FAM222B: variants seen among roughly 807,000 people sequenced by gnomAD.
The protein encoded by FAM222B is family with sequence similarity 222 member B.
FAM222B carries 12 observed loss-of-function variants against 38.0 expected under a neutral mutation model. The observed-to-expected ratio is 0.32, with a 90% CI of 0.20 to 0.51. The LOEUF is 0.51. FAM222B is among the 20% of genes least tolerant of loss of function. FAM222B has a pLI of 0.97. For missense variants in FAM222B, 716 were observed against 754.2 expected (o/e 0.95, Z 0.59); for synonymous variants, 329 against 317.2 (o/e 1.04, Z -0.40).
At chr17:28,795,442 CTT>C (rs1432262551) in intron 1 of FAM222B, among the ~76,000 whole-genome samples, 1 of 152,118 alleles carries the variant, frequency 6.6e-6, no homozygotes, top group African/African-American at 2.4e-5. Flanking sequence ...ACCCAGACTT[CTT>C]TTGTTTTTAA....
chr17:28,842,521 G>A (rs2039080670), intron 1 of FAM222B, among the ~76,000 whole-genome samples, 161 bp downstream of exon 1: 1 of 152,036 alleles, frequency 6.6e-6, no homozygotes, highest in Admixed American at 6.6e-5. Flanking sequence ...GCCGGCGACC[G>A]GGCCACCCGT....
intron 1 of FAM222B, among the ~76,000 whole-genome samples, chr17:28,819,581 T>G (rs575453194): frequency 6.6e-6 from 1 of 152,228 alleles, no homozygotes; most frequent in East Asian, 1.9e-4. Context: ...CCTAAAAATA[T>G]TTAGAAGTTT....
At chr17:28,792,233 A>G (rs1445336623) in intron 1 of FAM222B, among the ~76,000 whole-genome samples, 1 of 150,560 alleles carries the variant, frequency 6.6e-6, no homozygotes, top group Non-Finnish European at 1.5e-5. Flanking sequence ...AATGGCGTGA[A>G]CCTGGGAGGC....
intron 1 of FAM222B, among the ~76,000 whole-genome samples, chr17:28,799,176 T>C (rs1434304388): frequency 3.3e-5 from 5 of 150,868 alleles, no homozygotes; most frequent in African/African-American, 1.2e-4. Flanking sequence ...GGTTTCACCA[T>C]GTTGACCAGG....
intron 1 of FAM222B, among the ~76,000 whole-genome samples, chr17:28,835,109 G>A (rs2038799445): frequency 6.6e-6 from 1 of 151,364 alleles, no homozygotes; most frequent in Non-Finnish European, 1.5e-5. Context: ...GCAGTGGCGT[G>A]ATCTCAGCTC....
intron 1 of FAM222B, among the ~76,000 whole-genome samples, chr17:28,774,929 G>T (rs552598682): frequency 2.0e-5 from 3 of 151,116 alleles, no homozygotes; most frequent in Non-Finnish European, 4.4e-5. Context: ...GTCACAGGGC[G>T]AGACTCCGTC....
chr17:28,854,896 T>G, intron 1 of FAM222B: 1 of 899,100 alleles, frequency 1.1e-6, no homozygotes. Flanking sequence ...CCAGAGCAAT[T>G]CCTCCTCCCG....
intron 1 of FAM222B, among the ~76,000 whole-genome samples, chr17:28,800,020 A>G (rs1747778601): frequency 6.6e-6 from 1 of 151,528 alleles, no homozygotes; most frequent in Non-Finnish European, 1.5e-5. Flanking sequence ...TCTCTGGTTG[A>G]GCAATGATAC....
chr17:28,760,858 T>C (rs1224535795), intron 2 of FAM222B, among the ~76,000 whole-genome samples: 1 of 152,200 alleles, frequency 6.6e-6, no homozygotes, highest in Admixed American at 6.5e-5. Flanking sequence ...TGCCAACATC[T>C]CTCCCCTTCC....
At chr17:28,781,843 CAGAG>C (rs1396669011) in intron 1 of FAM222B, among the ~76,000 whole-genome samples, 5 of 152,044 alleles carry the variant, frequency 3.3e-5, no homozygotes, top group African/African-American at 1.2e-4. Flanking sequence ...AACTCAGAAG[CAGAG>C]AGATAATGGG....
Position 28,792,019 on chromosome 17 carries a change from A to AGCCAGGTGTAG in FAM222B, c.-40-25323_-40-25313dup, listed in dbSNP as rs1328466448. On this transcript the variant is annotated intron_variant, in intron 1 of 2. Transcript: ENST00000581407. Reference sequence around the variant, plus strand: ...AAGTGAGACCATGTCTAAAAAAATTAGCCAGGTGTAGGCCAGGCGCAGTGG... The same window carrying AGCCAGGTGTAG: ...AAGTGAGACCATGTCTAAAAAAATTAGCCAGGTGTAGGCCAGGTGTAGGCCAGGCGCAGTGG... Among the ~76,000 whole-genome samples the AGCCAGGTGTAG allele has an allele frequency of 1.3e-3, 194 of 151,106 alleles. 2 individuals carry two copies. The highest frequency in any genetic ancestry group is 1.1e-3 in the Non-Finnish European group (76 of 67,698).
upstream of FAM222B, among the ~76,000 whole-genome samples, chr17:28,846,962 G>A (rs888827801): frequency 1.3e-5 from 2 of 151,962 alleles, no homozygotes; most frequent in East Asian, 1.9e-4. Context: ...GGTGGCTGAC[G>A]CCTGTAATCC....
chr17:28,799,850 C>A (rs2037136301), intron 1 of FAM222B, among the ~76,000 whole-genome samples: 1 of 152,120 alleles, frequency 6.6e-6, no homozygotes, highest in African/African-American at 2.4e-5. Flanking sequence ...TCAGGAGATC[C>A]TCCTGCCTTG....
chr17:28,830,899 T>C (rs2093687491), intron 1 of FAM222B, among the ~76,000 whole-genome samples: 1 of 151,540 alleles, frequency 6.6e-6, no homozygotes, highest in African/African-American at 2.4e-5. Context: ...TACATTTAGG[T>C]GTAATTGTTG....
At chr17:28,843,442 CTTTTTTT>C, upstream of FAM222B, among the ~76,000 whole-genome samples, 1 of 87,002 alleles carries the variant, frequency 1.1e-5, no homozygotes. Context: ...CAGCCTGGGT[CTTTTTTT>C]TTTTTTTTTT....
intron 1 of FAM222B, among the ~76,000 whole-genome samples, chr17:28,769,059 A>G (rs2151793750): frequency 6.6e-6 from 1 of 152,066 alleles, no homozygotes; most frequent in South Asian, 2.1e-4. Flanking sequence ...AACAGGTAAC[A>G]AACTTCACCT....
In FAM222B at chr17:28,759,658, G is replaced by A. The variant is rs750142457; in HGVS notation, c.301C>T (p.Leu101=). 1.9e-6 allele frequency: 3 copies of A among 1,613,388 alleles called. No homozygotes were observed. Among genetic ancestry groups the A allele is most frequent in the Non-Finnish European group, 2.5e-6 (3 of 1,179,660 alleles). The stretch of plus-strand genomic sequence containing the variant: ...GCTGGCACTTTGACAATGGCAAGCA[G>A]GCCTGCCTTGGTGGCAGCCTGTGTC... ...YPTQAATKAG[L]LAIVKVPAKS... is the part of the protein sequence containing the mutation. Residue 101 remains leucine (L), a synonymous_variant, in exon 3 of 3, where the codon CTG becomes TTG. Transcript: ENST00000581407. The surrounding 1 kb of genome is among the most constrained non-coding windows in gnomAD (Gnocchi z 4.8).
intron 1 of FAM222B, among the ~76,000 whole-genome samples, chr17:28,797,694 T>G (rs2037008204): frequency 6.6e-6 from 1 of 152,166 alleles, no homozygotes. Context: ...TTCACATGAT[T>G]CTCTCTCCAT....
chr17:28,799,657 C>T (rs989460053), intron 1 of FAM222B, among the ~76,000 whole-genome samples: 4 of 152,138 alleles, frequency 2.6e-5, no homozygotes, highest in Non-Finnish European at 5.9e-5. Context: ...ACCCAGGCTT[C>T]AGTGCAGTTG....
Sources: allele counts gnomAD v4.1 joint callset (sites outside exome capture counted in the v4.1 genomes callset), GRCh38; gene constraint gnomAD v4.1.1; non-coding constraint Gnocchi (gnomAD v3.1); transcripts MANE v1.5; gene names NCBI Gene and HGNC (gene_info 2026-07-23, HGNC 2026-07-21).